SRL: variants seen among roughly 807,000 people sequenced by gnomAD.
The protein encoded by SRL is sarcalumenin.
A neutral mutation model predicts 39.5 loss-of-function variants in SRL; 23 were observed. The observed-to-expected ratio is 0.58, with a 90% CI of 0.42 to 0.82. The LOEUF is 0.82. Ranked by LOEUF, SRL falls within the 40% of genes least tolerant of loss-of-function variation. The pLI, the probability that SRL is intolerant of heterozygous loss-of-function variation, is 0.00. For synonymous variants in SRL, 272 were observed against 237.4 expected (o/e 1.15, Z -1.34); for missense variants, 592 against 607.8 (o/e 0.97, Z 0.27).
At chr16:4,205,853 G>A (rs1330540611) in intron 1 of SRL, among the ~76,000 whole-genome samples, 45 of 151,926 alleles carry the variant, frequency 3.0e-4, no homozygotes, top group Non-Finnish European at 1.5e-5. Context: ...TGGGAGGATC[G>A]CTTGAGCACT....
At chr16:4,226,414 G>A (rs1257769940) in intron 1 of SRL, among the ~76,000 whole-genome samples, 1 of 151,538 alleles carries the variant, frequency 6.6e-6, no homozygotes, top group Non-Finnish European at 1.5e-5. Flanking sequence ...GGATGGGATG[G>A]ATGGATGAAT....
chr16:4,224,848 C>T (rs1050790694), intron 1 of SRL, among the ~76,000 whole-genome samples: 3 of 152,180 alleles, frequency 2.0e-5, no homozygotes, highest in African/African-American at 4.8e-5. Context: ...CCCGACTGTC[C>T]ATCAGTAGAT....
At chr16:4,210,468 A>G (rs1012215197) in intron 1 of SRL, among the ~76,000 whole-genome samples, 2 of 148,910 alleles carry the variant, frequency 1.3e-5, no homozygotes, top group African/African-American at 5.0e-5. Flanking sequence ...GTTTTGGTAA[A>G]ATGAGTATTA....
chr16:4,199,611 T>C (rs2052195183), intron 3 of SRL, among the ~76,000 whole-genome samples: 1 of 150,974 alleles, frequency 6.6e-6, no homozygotes, highest in East Asian at 1.9e-4. Flanking sequence ...GCTCAAGAGA[T>C]CCACCCACCT....
intron 1 of SRL, among the ~76,000 whole-genome samples, chr16:4,218,439 G>A (rs1429106210): frequency 6.6e-6 from 1 of 152,160 alleles, no homozygotes; most frequent in East Asian, 1.9e-4. Context: ...AGCACTGGGA[G>A]TAAGACAATC....
rs571002506 is a variant in SRL at position 4,232,044 on chromosome 16, C to CG, written c.61+9962dup. Among the ~76,000 whole-genome samples, 5 of 152,328 alleles carry CG rather than the reference C, an allele frequency of 3.3e-5. No homozygotes were observed. The South Asian group carries it at 1.0e-3, about 32-fold the overall frequency. ...ACAAAACCAGCATTTGCTCTGCCCCCGGGTTCCGGTGCTCCCGCTGGGCCC... is the reference window on the plus strand; with the variant it reads ...ACAAAACCAGCATTTGCTCTGCCCCCGGGGTTCCGGTGCTCCCGCTGGGCCC... On this transcript the variant is annotated intron_variant, in intron 1 of 5. Coordinates refer to ENST00000399609, the MANE Select transcript of SRL (RefSeq NM_001098814.2).
chr16:4,220,921 G>T (rs2052522093), intron 1 of SRL, among the ~76,000 whole-genome samples: 1 of 152,102 alleles, frequency 6.6e-6, no homozygotes, highest in Non-Finnish European at 1.5e-5. Flanking sequence ...AGGAGTTCTA[G>T]GCTGCAGTGA....
At chr16:4,237,976 C>T (rs945797539) in intron 1 of SRL, among the ~76,000 whole-genome samples, 39 of 152,112 alleles carry the variant, frequency 2.6e-4, no homozygotes, top group Admixed American at 2.6e-4. Context: ...GAAGACGCCT[C>T]CTCTCCCCTA....
At chr16:4,197,271 T>C (rs1041418184) in intron 4 of SRL, among the ~76,000 whole-genome samples, 6 of 151,804 alleles carry the variant, frequency 4.0e-5, no homozygotes, top group Admixed American at 2.6e-4. Flanking sequence ...GGTTTCACCA[T>C]GTTGGCCAGG....
intron 1 of SRL, among the ~76,000 whole-genome samples, chr16:4,219,707 C>T (rs983412316): frequency 2.6e-5 from 4 of 152,240 alleles, no homozygotes; most frequent in Non-Finnish European, 4.4e-5. Flanking sequence ...GTGATCCTCC[C>T]GCCTTGGCCT....
At chr16:4,199,692 C>CTTTTTTTTTTTTT (rs201684866) in intron 3 of SRL, among the ~76,000 whole-genome samples, 1 of 111,454 alleles carries the variant, frequency 9.0e-6, no homozygotes, top group African/African-American at 3.4e-5. Flanking sequence ...CTTTTCTTTT[C>CTTTTTTTTTTTTT]CTTTTTTTTT....
chr16:4,228,851 G>A (rs1273379455), intron 1 of SRL, among the ~76,000 whole-genome samples: 3 of 152,170 alleles, frequency 2.0e-5, no homozygotes, highest in Non-Finnish European at 4.4e-5. Context: ...ACTGGACTGA[G>A]CCACAGCCAC....
At position 4,230,859 on chromosome 16, in the gene SRL, A is replaced by G. The variant is rs184233499; in HGVS notation, c.61+11148T>C. 9.2e-5 allele frequency among the ~76,000 whole-genome samples: 14 copies of G among 152,320 alleles called. 1 individual carries two copies. In the East Asian group the frequency reaches 1.5e-3, roughly 17 times the overall value. ...AGGCCACATGATGACAGAGGCAGAGAGTGCAGTGATGAAGCTACCACTCAA... is the reference window on the plus strand; with the variant it reads ...AGGCCACATGATGACAGAGGCAGAGGGTGCAGTGATGAAGCTACCACTCAA... On this transcript the variant is annotated intron_variant, in intron 1 of 5. Coordinates refer to ENST00000399609, the MANE Select transcript of SRL (RefSeq NM_001098814.2).
At chr16:4,193,805 CTT>C (rs746967531) in intron 5 of SRL, among the ~76,000 whole-genome samples, 2 of 144,766 alleles carry the variant, frequency 1.4e-5, no homozygotes, top group Non-Finnish European at 1.5e-5. Flanking sequence ...ACATTGAAAT[CTT>C]TTTTTTTTTA....
rs1464269913 is a variant in SRL, at chr16:4,191,314, C to T, written c.*839G>A. 2 of 152,502 alleles carry T rather than the reference C, an allele frequency of 1.3e-5. No homozygotes were observed. Among genetic ancestry groups the T allele is most frequent in the African/African-American group, 4.8e-5 (2 of 41,452 alleles). 9.4% of individuals were successfully genotyped at this position (152,502 alleles called of 1,614,324 possible). On this transcript the variant is annotated 3_prime_UTR_variant, in exon 6 of 6. Transcript: ENST00000399609. ...ACCAGGAGCAAGTCCGGGGGATTGG[C>T]TCAAAACCCAGGTGGAGGCCGGGTG... is the stretch of plus-strand genomic sequence containing the variant.
chr16:4,203,134 T>A, intron 3 of SRL, 32 bp downstream of exon 3: 1 of 1,594,088 alleles, frequency 6.3e-7, no homozygotes, highest in Admixed American at 1.7e-5. Context: ...GTACCCGTAA[T>A]CTCAAGCCCT....
intron 1 of SRL, among the ~76,000 whole-genome samples, chr16:4,231,083 C>G (rs1296099629): frequency 6.6e-6 from 1 of 152,082 alleles, no homozygotes; most frequent in African/African-American, 2.4e-5. Context: ...TTTGGGAGGC[C>G]AAGGTAGGAT....
At chr16:4,226,461 G>A (rs1310836291) in intron 1 of SRL, among the ~76,000 whole-genome samples, 1 of 151,904 alleles carries the variant, frequency 6.6e-6, no homozygotes, top group African/African-American at 2.4e-5. Context: ...AAGGATGGAA[G>A]GAAGGATAGA....
chr16:4,219,369 C>A (rs1177654337), intron 1 of SRL, among the ~76,000 whole-genome samples: 1 of 152,214 alleles, frequency 6.6e-6, no homozygotes, highest in Non-Finnish European at 1.5e-5. Flanking sequence ...CTCATCTGTC[C>A]CCCTATTGTT....
Sources: allele counts gnomAD v4.1 joint callset (sites outside exome capture counted in the v4.1 genomes callset), GRCh38; gene constraint gnomAD v4.1.1; transcripts MANE v1.5; gene names NCBI Gene and HGNC (gene_info 2026-07-23, HGNC 2026-07-21).